CAPS2: variants seen among roughly 807,000 people sequenced by gnomAD.
The protein encoded by CAPS2 is calcyphosin-2.
A neutral mutation model predicts 86.5 loss-of-function variants in CAPS2; 98 were observed. That is an observed-to-expected ratio of 1.13 (90% CI 0.96 to 1.34). The LOEUF (loss-of-function observed/expected upper bound fraction) is 1.34, where lower values mean the gene tolerates loss of function less well. Among genes scored for constraint, CAPS2 ranks in the 40% most tolerant of loss-of-function variants. The pLI, the probability that CAPS2 is intolerant of heterozygous loss-of-function variation, is 0.00. For missense variants in CAPS2, 729 were observed against 686.8 expected (o/e 1.06, Z -0.69); for synonymous variants, 210 against 225.1 (o/e 0.93, Z 0.60).
upstream of CAPS2, among the ~76,000 whole-genome samples, chr12:75,329,437 T>C (rs1307277712): frequency 6.6e-6 from 1 of 151,930 alleles, no homozygotes; most frequent in Non-Finnish European, 1.5e-5. Context: ...TGTTGGCTAA[T>C]GTCTTTAGTG....
chr12:75,335,110 T>G (rs573788897), intron 1 of CAPS2, among the ~76,000 whole-genome samples: 3 of 152,328 alleles, frequency 2.0e-5, no homozygotes, highest in East Asian at 3.9e-4. Flanking sequence ...GTTCCTTGCC[T>G]CTTGCGGGGA....
chr12:75,323,465 C>T (rs1160195417), intron 2 of CAPS2, among the ~76,000 whole-genome samples: 2 of 151,976 alleles, frequency 1.3e-5, no homozygotes, highest in African/African-American at 2.4e-5. Context: ...AATACTTGGC[C>T]GGGCGCAGTG....
chr12:75,310,447 G>A (rs2039024580), intron 7 of CAPS2, among the ~76,000 whole-genome samples: 1 of 152,142 alleles, frequency 6.6e-6, no homozygotes, highest in Non-Finnish European at 1.5e-5. Context: ...TAAATGCAAA[G>A]TACCTAAGAC....
intron 1 of CAPS2, chr12:75,343,854 T>C (rs773841296): frequency 1.9e-6 from 3 of 1,613,044 alleles, no homozygotes; most frequent in East Asian, 2.2e-5. Flanking sequence ...CACCAAGACA[T>C]GCCATTACGG....
intron 1 of CAPS2, among the ~76,000 whole-genome samples, chr12:75,387,655 T>G (rs2045361196): frequency 6.6e-6 from 1 of 152,210 alleles, no homozygotes; most frequent in Admixed American, 6.5e-5. Flanking sequence ...ATATCTGGTG[T>G]GGCCCTTCTT....
chr12:75,364,263 AG>A (rs1428453004), intron 1 of CAPS2, among the ~76,000 whole-genome samples: 4 of 152,214 alleles, frequency 2.6e-5, no homozygotes, highest in African/African-American at 9.6e-5. Flanking sequence ...ACTAGTTTTC[AG>A]GTTAACTTTG....
At chr12:75,294,316 T>C (rs1453170562) in intron 11 of CAPS2, among the ~76,000 whole-genome samples, 2 of 152,190 alleles carry the variant, frequency 1.3e-5, no homozygotes, top group Non-Finnish European at 2.9e-5. Context: ...CTCCCCTCCA[T>C]TTTCTCAGCA....
chr12:75,354,158 GA>G (rs1419900751), intron 1 of CAPS2, among the ~76,000 whole-genome samples: 5 of 89,082 alleles, frequency 5.6e-5, no homozygotes, highest in South Asian at 9.2e-4. Flanking sequence ...TCAGGGAAGA[GA>G]AAAAAAAGGG....
chr12:75,388,168 T>C (rs1281148689), intron 1 of CAPS2, among the ~76,000 whole-genome samples: 1 of 152,072 alleles, frequency 6.6e-6, no homozygotes, highest in Non-Finnish European at 1.5e-5. Context: ...GATCTGATGG[T>C]TTTATAAAGA....
At chr12:75,367,755 C>A (rs531839729) in intron 1 of CAPS2, among the ~76,000 whole-genome samples, 1 of 152,048 alleles carries the variant, frequency 6.6e-6, no homozygotes, top group East Asian at 1.9e-4. Context: ...AAAAATAATG[C>A]GTTTTGTTCT....
intron 1 of CAPS2, among the ~76,000 whole-genome samples, chr12:75,353,494 C>A (rs1439017718): frequency 6.6e-6 from 1 of 152,128 alleles, no homozygotes; most frequent in African/African-American, 2.4e-5. Flanking sequence ...GAAATTGAGG[C>A]AGTAATGAAC....
At chr12:75,367,350 A>G (rs1227371800) in intron 1 of CAPS2, among the ~76,000 whole-genome samples, 1 of 151,040 alleles carries the variant, frequency 6.6e-6, no homozygotes, top group East Asian at 1.9e-4. Flanking sequence ...TTGTATAACT[A>G]TACCAAAGTA....
intron 1 of CAPS2, among the ~76,000 whole-genome samples, chr12:75,335,600 C>G (rs2041677731): frequency 6.6e-6 from 1 of 152,078 alleles, no homozygotes; most frequent in Non-Finnish European, 1.5e-5. Flanking sequence ...TCTATTCCAG[C>G]TTTCTTCTTT....
intron 1 of CAPS2, among the ~76,000 whole-genome samples, chr12:75,361,435 G>C (rs1018692430): frequency 1.3e-5 from 2 of 152,206 alleles, no homozygotes; most frequent in Non-Finnish European, 2.9e-5. Context: ...GGTTTCACCA[G>C]GAACCCAACC....
chr12:75,335,626 A>G (rs188459336), intron 1 of CAPS2, among the ~76,000 whole-genome samples: 91 of 152,258 alleles, frequency 6.0e-4, no homozygotes, highest in African/African-American at 2.2e-3. Flanking sequence ...CCAGTGGAAA[A>G]CAAAAGTAAT....
chr12:75,389,030 A>G (rs2045437119), intron 1 of CAPS2, among the ~76,000 whole-genome samples: 1 of 151,710 alleles, frequency 6.6e-6, no homozygotes, highest in Non-Finnish European at 1.5e-5. Flanking sequence ...TAGCTCTACC[A>G]CTCCCTGGCT....
At chr12:75,379,799 T>C (rs1322707163) in intron 1 of CAPS2, among the ~76,000 whole-genome samples, 1 of 146,290 alleles carries the variant, frequency 6.8e-6, no homozygotes, top group African/African-American at 2.6e-5. Flanking sequence ...GGTGAAGAGA[T>C]AGTTTAAACA....
chr12:75,282,294 T>C, exon 16 of CAPS2: 1 of 1,608,586 alleles, frequency 6.2e-7, no homozygotes, highest in African/African-American at 1.3e-5. Flanking sequence ...AACATTTTCT[T>C]ATGTTTATAA....
chr12:75,300,327 C>T (rs545296954), intron 8 of CAPS2, among the ~76,000 whole-genome samples: 4 of 151,818 alleles, frequency 2.6e-5, no homozygotes, highest in Non-Finnish European at 5.9e-5. Flanking sequence ...GAGGCCGAGG[C>T]GGGTGGATCA....
Sources: allele counts gnomAD v4.1 joint callset (sites outside exome capture counted in the v4.1 genomes callset), GRCh38; gene constraint gnomAD v4.1.1; transcripts MANE v1.5; gene names NCBI Gene and HGNC (gene_info 2026-07-23, HGNC 2026-07-21).